FGF7: variants seen among roughly 807,000 people sequenced by gnomAD.
The protein encoded by FGF7 is fibroblast growth factor 7, also known as FGF-7.
Under a neutral mutation model 20.5 loss-of-function variants are expected in FGF7, and 6 were observed. The observed-to-expected ratio is 0.29, with a 90% CI of 0.16 to 0.58. The LOEUF is 0.58. Ranked by LOEUF, FGF7 falls within the 20% of genes least tolerant of loss-of-function variation. FGF7 has a pLI of 0.90. For synonymous variants in FGF7, 64 were observed against 74.7 expected (o/e 0.86, Z 0.74); for missense variants, 144 against 228.8 (o/e 0.63, Z 2.39).
intron 2 of FGF7, among the ~76,000 whole-genome samples, chr15:49,480,910 C>T (rs2055887525): frequency 6.6e-6 from 1 of 152,072 alleles, no homozygotes. Flanking sequence ...AGATGTCTGC[C>T]TATCATAATT....
rs774686224 is a variant in FGF7 at position 49,484,300 on chromosome 15, G to A, written c.391-10G>A. 1.5e-5 allele frequency: 24 copies of A among 1,577,470 alleles called. No individual in the cohort carries two copies. In the Admixed American group the frequency reaches 3.9e-4, roughly 26 times the overall value. The stretch of plus-strand genomic sequence containing the variant: ...TTGGATAATGTCTGTTTGTTTGTTT[G>A]TTTTAACAGAAAGAATGCAATGAAG... On this transcript the variant is annotated splice_polypyrimidine_tract_variant and intron_variant, in intron 3 of 3. Coordinates refer to ENST00000267843, the MANE Select transcript of FGF7 (RefSeq NM_002009.4).
At chr15:49,432,867 G>A (rs2050739729) in intron 2 of FGF7, among the ~76,000 whole-genome samples, 1 of 151,508 alleles carries the variant, frequency 6.6e-6, no homozygotes, top group East Asian at 1.9e-4. Flanking sequence ...AACAAGAAAT[G>A]ATGCCCAACA....
At chr15:49,465,308 T>C (rs1293443835) in intron 2 of FGF7, among the ~76,000 whole-genome samples, 1 of 150,892 alleles carries the variant, frequency 6.6e-6, no homozygotes, top group Non-Finnish European at 1.5e-5. Context: ...CTTTTTCTTT[T>C]TTTTTTTTTT....
At position 49,440,857 on chromosome 15, in the gene FGF7, G is replaced by A. The variant is rs369407096; in HGVS notation, c.286+16274G>A. ...ATATAACATTCTGAAGTTGATTACT[G>A]AGGTATTATTAAACATTCTAATATT... On this transcript the variant is annotated intron_variant, in intron 2 of 3. Transcript: ENST00000267843. 2.0e-5 allele frequency among the ~76,000 whole-genome samples: 3 copies of A among 151,784 alleles called. No homozygotes were observed. In the East Asian group the frequency reaches 5.8e-4, roughly 30 times the overall value.
chr15:49,427,621 C>T (rs1266593940), intron 2 of FGF7, among the ~76,000 whole-genome samples: 1 of 151,896 alleles, frequency 6.6e-6, no homozygotes, highest in African/African-American at 2.4e-5. Flanking sequence ...AAGAAAGTCC[C>T]CAATCTTTTC....
In FGF7 at chr15:49,485,830, GTA is replaced by G. The variant is rs1225865129; in HGVS notation, c.*1330_*1331del. The G allele has an allele frequency of 6.6e-6, 1 of 152,062 alleles. No individual in the cohort carries two copies. Among genetic ancestry groups the G allele is most frequent in the Non-Finnish European group, 1.5e-5 (1 of 67,962 alleles). The allele number at this position is 152,062 out of a possible 1,614,324, so 9.4% of individuals were successfully genotyped here. A position where few individuals can be genotyped will look rare whatever the true frequency, so the allele number is the denominator to read the frequency against. On this transcript the variant is annotated 3_prime_UTR_variant, in exon 4 of 4. Transcript: ENST00000267843. Reference sequence around the variant, plus strand: ...AGAAAATATCATATTTTAAAACTATGTATATTTAAATTTAGTAATTTTCTAAT... The same window carrying G: ...AGAAAATATCATATTTTAAAACTATGTATTTAAATTTAGTAATTTTCTAAT...
In FGF7 at chr15:49,457,924, T is replaced by C. The variant is rs371393383; in HGVS notation, c.287-25227T>C. Among the ~76,000 whole-genome samples the C allele has an allele frequency of 1.7e-4, 26 of 152,178 alleles. No homozygotes were observed. The South Asian group carries it at 5.4e-3, about 32-fold the overall frequency. On this transcript the variant is annotated intron_variant, in intron 2 of 3. Transcript: ENST00000267843. ...TAGCACAAGTTAAACATTTAATTAA[T>C]GTTAGAAAAATTAAGCCTTTACTGA...
At chr15:49,442,422 A>G (rs1164949735) in intron 2 of FGF7, among the ~76,000 whole-genome samples, 1 of 151,706 alleles carries the variant, frequency 6.6e-6, no homozygotes, top group African/African-American at 2.4e-5. Context: ...TGAGAACTGT[A>G]AAACAGTATA....
At chr15:49,434,820 G>GA (rs1235386629) in intron 2 of FGF7, among the ~76,000 whole-genome samples, 1 of 151,070 alleles carries the variant, frequency 6.6e-6, no homozygotes, top group Admixed American at 6.6e-5. Context: ...TCTGGCAAGG[G>GA]AAAACATCAA....
intron 2 of FGF7, among the ~76,000 whole-genome samples, chr15:49,447,068 C>T (rs1344620958): frequency 2.0e-5 from 3 of 151,362 alleles, no homozygotes; most frequent in African/African-American, 7.3e-5. Context: ...CTAACATTAC[C>T]CTAAACACTG....
At chr15:49,464,932 C>T (rs2151943345) in intron 2 of FGF7, among the ~76,000 whole-genome samples, 1 of 152,244 alleles carries the variant, frequency 6.6e-6, no homozygotes, top group East Asian at 1.9e-4. Context: ...TTTTGGCTAT[C>T]ATCTAGAATA....
At chr15:49,479,755 A>G (rs1456459549) in intron 2 of FGF7, among the ~76,000 whole-genome samples, 1 of 151,952 alleles carries the variant, frequency 6.6e-6, no homozygotes, top group East Asian at 1.9e-4. Context: ...CTGGGATTAC[A>G]GACACCCACC....
chr15:49,485,545 G>T lies in FGF7; in HGVS notation c.*1041G>T, dbSNP rs1296904798. The T allele has an allele frequency of 6.6e-6, 1 of 152,140 alleles. No homozygotes were observed. Among genetic ancestry groups the T allele is most frequent in the African/African-American group, 2.4e-5 (1 of 41,318 alleles). 9.4% of individuals were successfully genotyped at this position (152,140 alleles called of 1,614,324 possible). On this transcript the variant is annotated 3_prime_UTR_variant, in exon 4 of 4. Coordinates refer to ENST00000267843, the MANE Select transcript of FGF7 (RefSeq NM_002009.4). Reference sequence around the variant, plus strand: ...TTTAAAGGAATAACAAAACTGTCTGGCTCAACGGCAAGTTTCCCTCCCTTT... The same window carrying T: ...TTTAAAGGAATAACAAAACTGTCTGTCTCAACGGCAAGTTTCCCTCCCTTT...
chr15:49,459,859 A>AT (rs2053637264), intron 2 of FGF7, among the ~76,000 whole-genome samples: 2 of 152,136 alleles, frequency 1.3e-5, no homozygotes, highest in South Asian at 4.1e-4. Context: ...GTATCTTGAC[A>AT]TGGGCATAAA....
chr15:49,441,732 A>AT (rs1258194360), intron 2 of FGF7, among the ~76,000 whole-genome samples: 6 of 151,628 alleles, frequency 4.0e-5, no homozygotes, highest in Admixed American at 6.6e-5. Flanking sequence ...CATAATTCTT[A>AT]TTCTTTATTA....
chr15:49,446,202 CT>C (rs988196105), intron 2 of FGF7, among the ~76,000 whole-genome samples: 1 of 151,230 alleles, frequency 6.6e-6, no homozygotes, highest in Non-Finnish European at 1.5e-5. Flanking sequence ...ACACTTTTTT[CT>C]TTTTAAGTTA....
chr15:49,476,343 T>C (rs899035902), intron 2 of FGF7, among the ~76,000 whole-genome samples: 3 of 151,680 alleles, frequency 2.0e-5, no homozygotes, highest in Admixed American at 6.6e-5. Context: ...AATATCCAGA[T>C]AGGATATCAT....
At chr15:49,475,520 T>C (rs1254288603) in intron 2 of FGF7, among the ~76,000 whole-genome samples, 1 of 152,162 alleles carries the variant, frequency 6.6e-6, no homozygotes, top group Non-Finnish European at 1.5e-5. Flanking sequence ...AATATTAAGA[T>C]AGTGACAGTA....
intron 2 of FGF7, among the ~76,000 whole-genome samples, chr15:49,439,617 T>C (rs1324350256): frequency 1.3e-5 from 2 of 151,720 alleles, no homozygotes; most frequent in East Asian, 3.9e-4. Context: ...AATAAGTTTG[T>C]GGAATAAGCT....
Sources: gnomAD v4.1 joint callset for allele counts (sites outside exome capture counted in the v4.1 genomes callset) on GRCh38, gnomAD v4.1.1 for gene constraint, MANE v1.5 for transcripts, NCBI Gene and HGNC (gene_info 2026-07-23, HGNC 2026-07-21) for gene names.